TRABD2B: variants seen among roughly 807,000 people sequenced by gnomAD.
TRABD2B encodes metalloprotease TIKI2.
A neutral mutation model predicts 40.1 loss-of-function variants in TRABD2B; 14 were observed. That is an observed-to-expected ratio of 0.35 (90% CI 0.23 to 0.55). The LOEUF (loss-of-function observed/expected upper bound fraction) is 0.55, where lower values mean the gene tolerates loss of function less well. TRABD2B is among the 20% of genes least tolerant of loss of function. The probability of loss-of-function intolerance (pLI) is 0.90; values close to 1 mark genes in which losing one functional copy is unlikely to be tolerated. For missense variants in TRABD2B, 541 were observed against 648.6 expected (o/e 0.83, Z 1.80); for synonymous variants, 263 against 277.0 (o/e 0.95, Z 0.50).
chr1:47,981,474 TG>T (rs1272590815), intron 2 of TRABD2B, among the ~76,000 whole-genome samples: 1 of 152,148 alleles, frequency 6.6e-6, no homozygotes, highest in African/African-American at 2.4e-5. Flanking sequence ...AAAATGCGGC[TG>T]AATCTACTTG....
chr1:47,958,373 T>C (rs1570366821), intron 2 of TRABD2B, among the ~76,000 whole-genome samples: 1 of 146,870 alleles, frequency 6.8e-6, no homozygotes, highest in Middle Eastern at 3.4e-3. Context: ...TAACCTTAAA[T>C]GTAAATGGGC....
chr1:47,777,135 G>T (rs1644458412), intron 5 of TRABD2B, among the ~76,000 whole-genome samples: 1 of 152,124 alleles, frequency 6.6e-6, no homozygotes, highest in African/African-American at 2.4e-5. Flanking sequence ...TAGCCTCACT[G>T]GCCTGCCTGC....
At chr1:47,839,536 T>C (rs1645366279) in intron 2 of TRABD2B, among the ~76,000 whole-genome samples, 1 of 152,130 alleles carries the variant, frequency 6.6e-6, no homozygotes, top group Non-Finnish European at 1.5e-5. Context: ...ATCAACCTCC[T>C]CTCTGGATCC....
At chr1:47,903,790 T>C (rs760278994) in intron 2 of TRABD2B, among the ~76,000 whole-genome samples, 3 of 152,226 alleles carry the variant, frequency 2.0e-5, no homozygotes, top group Non-Finnish European at 4.4e-5. Context: ...TGCTAAATCC[T>C]GCATTAAGCT....
chr1:47,776,774 G>C (rs1009348923), intron 5 of TRABD2B, among the ~76,000 whole-genome samples: 25 of 152,196 alleles, frequency 1.6e-4, no homozygotes, highest in African/African-American at 5.8e-4. Flanking sequence ...GGCACGATGG[G>C]TGAGGAGCTT....
intron 2 of TRABD2B, among the ~76,000 whole-genome samples, chr1:47,851,017 G>T (rs1415720941): frequency 6.6e-6 from 1 of 151,644 alleles, no homozygotes; most frequent in African/African-American, 2.4e-5. Context: ...CGGAGCTCAG[G>T]TGGTAATGCT....
intron 6 of TRABD2B, among the ~76,000 whole-genome samples, chr1:47,767,830 C>T (rs968911562): frequency 1.3e-5 from 2 of 152,328 alleles, no homozygotes; most frequent in African/African-American, 4.8e-5. Flanking sequence ...TGCATTTCCT[C>T]GGGCTGGGCC....
chr1:47,858,042 T>C (rs1643912938), intron 2 of TRABD2B, among the ~76,000 whole-genome samples: 1 of 152,030 alleles, frequency 6.6e-6, no homozygotes, highest in African/African-American at 2.4e-5. Flanking sequence ...TTCTATTGTA[T>C]GATTAGTTAT....
rs141678840 is a variant in TRABD2B, at chr1:47,815,971, G to A, written c.667-14352C>T. ...GTGTTTGTTCTTGGTCAGGTGCTGT[G>A]CGGGGGTCCTGGGGAGACTGAGATT... On this transcript the variant is annotated intron_variant, in intron 2 of 6. Transcript: ENST00000606738. Among the ~76,000 whole-genome samples, 110 of 152,268 alleles carry A rather than the reference G, an allele frequency of 7.2e-4. 1 individual carries two copies. Among genetic ancestry groups the A allele is most frequent in the African/African-American group, 2.5e-3 (102 of 41,542 alleles).
intron 2 of TRABD2B, among the ~76,000 whole-genome samples, chr1:47,808,123 G>A (rs60899540): frequency 0.023 from 3,462 of 152,238 alleles, 133 homozygotes; most frequent in African/African-American, 0.078. Context: ...GGCTTCATCC[G>A]CTCAGTTGAA....
chr1:47,923,915 TACACACACACACACACACACACACACAC>T (rs60288001), intron 2 of TRABD2B, among the ~76,000 whole-genome samples: 3 of 132,516 alleles, frequency 2.3e-5, no homozygotes, highest in Non-Finnish European at 3.3e-5. Flanking sequence ...CATACACACA[TACACACACACACACACACACACACACAC>T]ACACACACAC....
intron 6 of TRABD2B, among the ~76,000 whole-genome samples, chr1:47,770,319 T>C (rs1644362090): frequency 6.6e-6 from 1 of 152,138 alleles, no homozygotes; most frequent in South Asian, 2.1e-4. Context: ...GGATGAGAGA[T>C]CCAAAGCAAC....
chr1:47,870,417 C>T (rs1644123466), intron 2 of TRABD2B, among the ~76,000 whole-genome samples: 1 of 152,194 alleles, frequency 6.6e-6, no homozygotes. Context: ...TGGAGGCTCA[C>T]AGCCTTACCT....
intron 2 of TRABD2B, among the ~76,000 whole-genome samples, chr1:47,937,000 CCAT>C (rs1338714041): frequency 1.4e-5 from 2 of 146,106 alleles, no homozygotes; most frequent in African/African-American, 5.1e-5. Context: ...ATGATCACCA[CCAT>C]CACCATCATC....
intron 2 of TRABD2B, among the ~76,000 whole-genome samples, chr1:47,911,275 A>C (rs1259518181): frequency 6.6e-6 from 1 of 152,126 alleles, no homozygotes; most frequent in Non-Finnish European, 1.5e-5. Flanking sequence ...GGTTAAATTC[A>C]TTGTTTCCAG....
chr1:47,985,977 T>C (rs1355358389), intron 2 of TRABD2B, among the ~76,000 whole-genome samples: 3 of 152,040 alleles, frequency 2.0e-5, no homozygotes, highest in African/African-American at 4.8e-5. Context: ...AAGGAGTATA[T>C]GTGAGAGGGA....
rs1044661121 is a variant in TRABD2B at position 47,770,208 on chromosome 1, G to C, written c.1350-4102C>G. 3.9e-5 allele frequency among the ~76,000 whole-genome samples: 6 copies of C among 152,142 alleles called. No individual in the cohort carries two copies. In the East Asian group the frequency reaches 9.8e-4, roughly 25 times the overall value. On this transcript the variant is annotated intron_variant, in intron 6 of 6. Transcript: ENST00000606738. ...TGGGGCACACAGGGCCTGGGTCACA[G>C]GTGGCCCTCTGCCTGGGGATAGAGA...
intron 2 of TRABD2B, among the ~76,000 whole-genome samples, chr1:47,825,356 C>G (rs72892399): frequency 6.6e-6 from 1 of 152,232 alleles, no homozygotes; most frequent in African/African-American, 2.4e-5. Context: ...TTATCCTCCA[C>G]AGCCTGTCAC....
At chr1:47,943,757 A>AACACACAC (rs10554684) in intron 2 of TRABD2B, among the ~76,000 whole-genome samples, 195 of 146,824 alleles carry the variant, frequency 1.3e-3, no homozygotes, top group Admixed American at 3.4e-3. Flanking sequence ...GCATCCAGAA[A>AACACACAC]ACACACACAC....
Sources: gnomAD v4.1 joint callset for allele counts (sites outside exome capture counted in the v4.1 genomes callset) on GRCh38, gnomAD v4.1.1 for gene constraint, MANE v1.5 for transcripts, NCBI Gene and HGNC (gene_info 2026-07-23, HGNC 2026-07-21) for gene names.